TEX9: variants seen among roughly 807,000 people sequenced by gnomAD.
TEX9 encodes the protein testis-expressed protein 9.
In TEX9, 74 loss-of-function variants were observed where a neutral mutation model predicts 59.6. The ratio of observed to expected loss-of-function variants is 1.24; its 90% CI spans 1.03 to 1.51. The LOEUF (loss-of-function observed/expected upper bound fraction) is 1.51. TEX9 is among the 40% of genes most tolerant of loss of function. TEX9 has a pLI of 0.00. For missense variants in TEX9, 522 were observed against 447.8 expected (o/e 1.17, Z -1.49); for synonymous variants, 186 against 152.2 (o/e 1.22, Z -1.64).
intron 1 of TEX9, among the ~76,000 whole-genome samples, chr15:56,323,026 A>C (rs1316648401): frequency 1.3e-5 from 2 of 152,106 alleles, no homozygotes; most frequent in African/African-American, 2.4e-5. Flanking sequence ...ATGGCAGTAC[A>C]CTGAGCTCCA....
chr15:56,398,840 C>T (rs368957387), intron 9 of TEX9, among the ~76,000 whole-genome samples: 1 of 151,886 alleles, frequency 6.6e-6, no homozygotes, highest in Non-Finnish European at 1.5e-5. Flanking sequence ...TTTATAGAAA[C>T]GGAAACTGAC....
chr15:56,365,778 G>A lies in TEX9; in HGVS notation c.119+108G>A, dbSNP rs1161424544. ...CTGGATCTTCGGGACCACTCACTCT[G>A]CAGCATTCCCTTCTCGTCATCTCGT... On this transcript the variant is annotated intron_variant, in intron 2 of 12. Transcript: ENST00000352903. 4.6e-6 allele frequency: 7 copies of A among 1,506,478 alleles called. No homozygotes were observed. The African/African-American group carries it at 9.8e-5, about 21-fold the overall frequency. The allele number at this position is 1,506,478 out of a possible 1,614,324, so 93.3% of individuals were successfully genotyped here.
intron 4 of TEX9, among the ~76,000 whole-genome samples, chr15:56,386,600 A>G (rs1290035606): frequency 1.3e-5 from 2 of 151,976 alleles, no homozygotes; most frequent in African/African-American, 4.8e-5. Flanking sequence ...TTTGATAGAC[A>G]TATGTATGCG....
At chr15:56,261,981 G>C (rs2044279938) in intron 1 of TEX9, among the ~76,000 whole-genome samples, 1 of 152,166 alleles carries the variant, frequency 6.6e-6, no homozygotes, top group Admixed American at 6.6e-5. Flanking sequence ...CTTCTGGGGT[G>C]CCAGTGAAAG....
downstream of TEX9, chr15:56,446,840 C>A: frequency 6.3e-7 from 1 of 1,591,834 alleles, no homozygotes; most frequent in Non-Finnish European, 8.6e-7. Context: ...AACATGATTA[C>A]CATTTGTTCA....
the TEX9 span, chr15:56,456,425 C>T: frequency 3.1e-6 from 5 of 1,610,600 alleles, no homozygotes; most frequent in East Asian, 2.2e-5. Flanking sequence ...CTCATCTTTT[C>T]GTCCTTTAGA....
At chr15:56,341,821 A>G (rs769668873) in intron 1 of TEX9, among the ~76,000 whole-genome samples, 6 of 152,188 alleles carry the variant, frequency 3.9e-5, no homozygotes, top group Non-Finnish European at 8.8e-5. Context: ...ATTGACTTTA[A>G]TAGATTTTTA....
chr15:56,401,195 T>A (rs2048750232), intron 9 of TEX9, among the ~76,000 whole-genome samples: 1 of 150,004 alleles, frequency 6.7e-6, no homozygotes, highest in Non-Finnish European at 1.5e-5. Flanking sequence ...GCAAATTGGA[T>A]ATAGAGTCAA....
At chr15:56,275,982 C>T (rs2044658766) in intron 1 of TEX9, among the ~76,000 whole-genome samples, 1 of 151,966 alleles carries the variant, frequency 6.6e-6, no homozygotes, top group African/African-American at 2.4e-5. Flanking sequence ...CTTTGGCTTC[C>T]AAAAATTCTG....
chr15:56,276,510 A>G (rs545038030), intron 1 of TEX9, among the ~76,000 whole-genome samples: 2 of 152,204 alleles, frequency 1.3e-5, no homozygotes, highest in South Asian at 4.2e-4. Flanking sequence ...ACATGAACCC[A>G]TTCTTTTTTA....
At chr15:56,426,236 A>T (rs2050235355) in intron 10 of TEX9, among the ~76,000 whole-genome samples, 1 of 152,032 alleles carries the variant, frequency 6.6e-6, no homozygotes, top group South Asian at 2.1e-4. Context: ...GAAAAGCCAG[A>T]ATGTTGCAAG....
chr15:56,252,807 C>G (rs1302279509), intron 1 of TEX9, among the ~76,000 whole-genome samples: 1 of 152,056 alleles, frequency 6.6e-6, no homozygotes, highest in Non-Finnish European at 1.5e-5. Flanking sequence ...TTTTTGTGAT[C>G]TCAGGCAAGT....
At chr15:56,316,966 C>T (rs1269486054) in intron 1 of TEX9, among the ~76,000 whole-genome samples, 1 of 152,192 alleles carries the variant, frequency 6.6e-6, no homozygotes, top group Non-Finnish European at 1.5e-5. Flanking sequence ...CTCCCTGACC[C>T]CTTGCGCTTC....
At chr15:56,311,686 A>G (rs1428671938) in intron 1 of TEX9, among the ~76,000 whole-genome samples, 8 of 145,764 alleles carry the variant, frequency 5.5e-5, no homozygotes, top group Non-Finnish European at 1.1e-4. Flanking sequence ...GTCAAATGGT[A>G]TTTCCAGTTC....
intron 1 of TEX9, among the ~76,000 whole-genome samples, chr15:56,300,716 A>G (rs866006192): frequency 7.7e-5 from 11 of 142,214 alleles, no homozygotes; most frequent in Non-Finnish European, 1.4e-4. Flanking sequence ...AGGGAGAGAG[A>G]GAGAGAGAGA....
downstream of TEX9, among the ~76,000 whole-genome samples, chr15:56,448,709 C>A (rs1020812997): frequency 6.8e-6 from 1 of 146,192 alleles, no homozygotes; most frequent in African/African-American, 2.5e-5. Flanking sequence ...AATGCATATG[C>A]TTTTTTTGGT....
rs759665564 is a variant in TEX9 at position 56,407,852 on chromosome 15, G to A, written c.829-4450G>A. On this transcript the variant is annotated intron_variant, in intron 9 of 12. Coordinates refer to ENST00000352903, the Ensembl canonical transcript of TEX9. ...ATCCTTTCACTAAATTTACAACCTC[G>A]CTGCCTCTATACCACTCCCCACTCC... is the stretch of plus-strand genomic sequence containing the variant. Among the ~76,000 whole-genome samples, 65 of 151,796 alleles carry A rather than the reference G, an allele frequency of 4.3e-4. 1 individual carries two copies. Among genetic ancestry groups the A allele is most frequent in the Non-Finnish European group, 2.1e-4 (14 of 67,966 alleles).
At chr15:56,402,815 C>T (rs1332289262) in intron 9 of TEX9, among the ~76,000 whole-genome samples, 1 of 152,160 alleles carries the variant, frequency 6.6e-6, no homozygotes, top group Non-Finnish European at 1.5e-5. Flanking sequence ...CCTGGTTGAA[C>T]AAGGCTGGTT....
chr15:56,384,352 A>C (rs1396626532), intron 4 of TEX9, among the ~76,000 whole-genome samples: 1 of 152,220 alleles, frequency 6.6e-6, no homozygotes, highest in African/African-American at 2.4e-5. Flanking sequence ...AGTCTCTTAC[A>C]GTTGTCATTG....
Sources: gnomAD v4.1 joint callset for allele counts (sites outside exome capture counted in the v4.1 genomes callset) on GRCh38, gnomAD v4.1.1 for gene constraint, MANE v1.5 for transcripts, NCBI Gene and HGNC (gene_info 2026-07-23, HGNC 2026-07-21) for gene names.